WDPCP: variants seen among roughly 807,000 people sequenced by gnomAD.
The protein encoded by WDPCP is WD repeat containing planar cell polarity effector, also known as WD repeat-containing and planar cell polarity effector protein fritz homolog.
WDPCP carries 71 observed loss-of-function variants against 93.1 expected under a neutral mutation model. The ratio of observed to expected loss-of-function variants is 0.76; its 90% CI spans 0.63 to 0.93. WDPCP has a LOEUF of 0.93. WDPCP is among the 40% of genes least tolerant of loss of function. The pLI is 0.00. For missense variants in WDPCP, 844 were observed against 887.4 expected (o/e 0.95, Z 0.62); for synonymous variants, 315 against 315.0 (o/e 1.00, Z 0.00).
chr2:63,635,616 A>G (rs780486284), intron 3 of WDPCP, among the ~76,000 whole-genome samples: 4 of 152,252 alleles, frequency 2.6e-5, no homozygotes, highest in Non-Finnish European at 4.4e-5. Flanking sequence ...TTATATGATC[A>G]TCTCAATAGA....
intron 3 of WDPCP, among the ~76,000 whole-genome samples, chr2:63,613,173 T>C (rs1489930427): frequency 1.3e-5 from 2 of 152,206 alleles, no homozygotes; most frequent in African/African-American, 2.4e-5. Context: ...GTAGTCAACA[T>C]GTGCATATTG....
At chr2:63,282,715 T>G (rs12713476) in intron 13 of WDPCP, among the ~76,000 whole-genome samples, 123,146 of 152,106 alleles carry the variant, frequency 0.81, 50,641 homozygotes, top group East Asian at 0.96. Flanking sequence ...CAGTTCTCAA[T>G]AATCAGAAGC....
chr2:63,353,986 G>A (rs989639953), intron 12 of WDPCP, among the ~76,000 whole-genome samples: 1 of 152,156 alleles, frequency 6.6e-6, no homozygotes, highest in Non-Finnish European at 1.5e-5. Context: ...TATTGAGCCA[G>A]TAGCAAGTCA....
chr2:63,454,259 A>C (rs2105684702), intron 6 of WDPCP, among the ~76,000 whole-genome samples: 1 of 152,192 alleles, frequency 6.6e-6, no homozygotes, highest in Non-Finnish European at 1.5e-5. Flanking sequence ...ACAAGGATGG[A>C]AAACCAAACA....
chr2:63,598,558 T>C (rs934629660), intron 3 of WDPCP, among the ~76,000 whole-genome samples: 1 of 152,194 alleles, frequency 6.6e-6, no homozygotes, highest in East Asian at 1.9e-4. Context: ...TGAAAGAAAA[T>C]TTTTTAAGAT....
intron 12 of WDPCP, chr2:63,378,177 G>T (rs1692010956): frequency 3.1e-6 from 2 of 635,120 alleles, no homozygotes; most frequent in Admixed American, 6.0e-5. Flanking sequence ...AAAAGTATTG[G>T]TTATATAAAA....
chr2:63,416,648 C>G (rs1052358926), intron 9 of WDPCP, among the ~76,000 whole-genome samples: 19 of 152,032 alleles, frequency 1.2e-4, no homozygotes, highest in Admixed American at 1.2e-3. Flanking sequence ...CTCAGCCTCC[C>G]GAGTAGCTGG....
intron 9 of WDPCP, among the ~76,000 whole-genome samples, chr2:63,405,978 G>A (rs942937607): frequency 1.2e-4 from 18 of 152,196 alleles, no homozygotes; most frequent in African/African-American, 3.9e-4. Flanking sequence ...GTATTTGACA[G>A]TGTATTGCAG....
intron 12 of WDPCP, among the ~76,000 whole-genome samples, chr2:63,321,725 C>T (rs572759768): frequency 1.3e-5 from 2 of 152,138 alleles, no homozygotes; most frequent in Non-Finnish European, 2.9e-5. Context: ...ATATAATAAT[C>T]CCTGCTTAGT....
At chr2:63,230,895 C>T (rs1678811146) in intron 14 of WDPCP, among the ~76,000 whole-genome samples, 1 of 152,138 alleles carries the variant, frequency 6.6e-6, no homozygotes, top group Non-Finnish European at 1.5e-5. Flanking sequence ...CCTGTTCACT[C>T]TGATGGTAGT....
chr2:63,425,302 T>C (rs1218647340), intron 9 of WDPCP, among the ~76,000 whole-genome samples: 1 of 152,202 alleles, frequency 6.6e-6, no homozygotes, highest in South Asian at 2.1e-4. Context: ...ACAAGAACTT[T>C]GGTGATTCAA....
At chr2:63,773,435 A>G (rs1298508253) in intron 2 of WDPCP, among the ~76,000 whole-genome samples, 1 of 151,998 alleles carries the variant, frequency 6.6e-6, no homozygotes, top group Non-Finnish European at 1.5e-5. Context: ...CCATTTAGAA[A>G]GCAGGGAAGG....
At chr2:63,765,377 A>T (rs1326941708) in intron 2 of WDPCP, among the ~76,000 whole-genome samples, 1 of 152,214 alleles carries the variant, frequency 6.6e-6, no homozygotes, top group Non-Finnish European at 1.5e-5. Flanking sequence ...CATAGGGGCC[A>T]GTGAGAAAAG....
chr2:63,174,874 ATTTCTGCTAACTCCCT>A, intron 14 of WDPCP, 42 bp from the exon 15 acceptor site: 1 of 1,593,516 alleles, frequency 6.3e-7, no homozygotes, highest in East Asian at 2.2e-5. Context: ...ACTAAGTACA[ATTTCTGCTAACTCCCT>A]TATAAGTAAG....
chr2:63,822,916 G>T (rs903902668), intron 1 of WDPCP, among the ~76,000 whole-genome samples: 4 of 150,384 alleles, frequency 2.7e-5, no homozygotes, highest in Non-Finnish European at 5.9e-5. Context: ...GATCAGATCT[G>T]CTTCTGTTAT....
intron 14 of WDPCP, among the ~76,000 whole-genome samples, chr2:63,205,844 A>G (rs896949991): frequency 1.3e-5 from 2 of 152,144 alleles, no homozygotes; most frequent in African/African-American, 4.8e-5. Context: ...TGCTCTTGCT[A>G]AGACCTCCAG....
intron 13 of WDPCP, among the ~76,000 whole-genome samples, chr2:63,309,355 T>C (rs950976087): frequency 6.6e-6 from 1 of 152,178 alleles, no homozygotes; most frequent in East Asian, 1.9e-4. Context: ...TCATCAAATA[T>C]ATGAAGCAAA....
intron 15 of WDPCP, among the ~76,000 whole-genome samples, chr2:63,171,279 G>A (rs570730059): frequency 6.6e-6 from 1 of 152,224 alleles, no homozygotes; most frequent in South Asian, 2.1e-4. Context: ...GATCACAGAC[G>A]GAGAAAATAC....
chr2:63,544,396 T>C (rs1241326022), intron 1 of WDPCP, among the ~76,000 whole-genome samples: 1 of 152,180 alleles, frequency 6.6e-6, no homozygotes, highest in Non-Finnish European at 1.5e-5. Context: ...AACTATTAAG[T>C]TTGGGATATA....
Sources: gnomAD v4.1 joint callset for allele counts (sites outside exome capture counted in the v4.1 genomes callset) on GRCh38, gnomAD v4.1.1 for gene constraint, MANE v1.5 for transcripts, NCBI Gene and HGNC (gene_info 2026-07-23, HGNC 2026-07-21) for gene names.